ASPH: variants seen among roughly 807,000 people sequenced by gnomAD.
ASPH encodes aspartyl/asparaginyl beta-hydroxylase.
A neutral mutation model predicts 118.4 loss-of-function variants in ASPH; 100 were observed. That is an observed-to-expected ratio of 0.84 (90% CI 0.72 to 1.00). The LOEUF (loss-of-function observed/expected upper bound fraction) is 1.00, where lower values mean the gene tolerates loss of function less well. Among genes scored for constraint, ASPH ranks in the 50% least tolerant of loss-of-function variants. The pLI, the probability that ASPH is intolerant of heterozygous loss-of-function variation, is 0.00. For missense variants in ASPH, 920 were observed against 919.5 expected (o/e 1.00, Z -0.01); for synonymous variants, 315 against 325.6 (o/e 0.97, Z 0.35).
At chr8:61,644,195 G>C (rs1253079064) in intron 7 of ASPH, among the ~76,000 whole-genome samples, 194 bp from the exon 8 acceptor site, 1 of 152,226 alleles carries the variant, frequency 6.6e-6, no homozygotes, top group African/African-American at 2.4e-5. Context: ...AGTAAGGGGG[G>C]CCTGTCATCA....
chr8:61,680,857 G>A, intron 3 of ASPH, 111 bp downstream of exon 3: 2 of 807,736 alleles, frequency 2.5e-6, no homozygotes, highest in South Asian at 2.8e-5. Flanking sequence ...TGATTTAAGG[G>A]AGAAAAGTCT....
intron 16 of ASPH, among the ~76,000 whole-genome samples, chr8:61,576,038 T>G (rs890920090): frequency 2.0e-5 from 3 of 152,204 alleles, no homozygotes; most frequent in Non-Finnish European, 4.4e-5. Context: ...CATCCCCTGA[T>G]CACCTTGAGT....
intron 3 of ASPH, among the ~76,000 whole-genome samples, chr8:61,655,584 G>C (rs566921589): frequency 1.3e-5 from 2 of 152,220 alleles, no homozygotes; most frequent in South Asian, 4.2e-4. Flanking sequence ...AATGAGTTTT[G>C]AAGTTTCATT....
chr8:61,506,749 T>C (rs1012634320), intron 24 of ASPH, among the ~76,000 whole-genome samples: 2 of 152,092 alleles, frequency 1.3e-5, no homozygotes, highest in African/African-American at 4.8e-5. Flanking sequence ...AATGAAAATA[T>C]AAAGAAAAAT....
chr8:61,530,176 C>G (rs1345304024), intron 21 of ASPH, among the ~76,000 whole-genome samples: 2 of 152,164 alleles, frequency 1.3e-5, no homozygotes, highest in African/African-American at 4.8e-5. Context: ...TTTTAAAAGC[C>G]TCTTCTGAAA....
At chr8:61,674,499 CT>C (rs1271292375) in intron 3 of ASPH, among the ~76,000 whole-genome samples, 1 of 152,184 alleles carries the variant, frequency 6.6e-6, no homozygotes, top group Non-Finnish European at 1.5e-5. Flanking sequence ...TTAATAGTCA[CT>C]TTAATAGTCA....
At chr8:61,638,205 G>T in intron 11 of ASPH, 117 bp downstream of exon 11, 2 of 1,321,602 alleles carry the variant, frequency 1.5e-6, no homozygotes, top group South Asian at 1.3e-5. Context: ...TTTTCTTACT[G>T]ACTTGAAAAT....
rs775872186 is a variant in ASPH, at chr8:61,646,850, A to G, written c.519T>C (p.Asp173=). The change falls in exon 6 of 25, where the codon GAT becomes GAC. Residue 173 remains aspartate, a synonymous_variant. Transcript: ENST00000379454. ...HVEGEDLQQE[D]GPTGEPQQED... is the part of the protein sequence containing the mutation. Reference sequence around the variant, plus strand: ...CTTGTTGTGGTTCTCCTGTGGGTCCATCTTCTTGTTGCAAGTCTTCTCCCT... The same window carrying G: ...CTTGTTGTGGTTCTCCTGTGGGTCCGTCTTCTTGTTGCAAGTCTTCTCCCT... The G allele has an allele frequency of 1.4e-5, 23 of 1,613,858 alleles. No homozygotes were observed. The highest frequency in any genetic ancestry group is 1.9e-5 in the Non-Finnish European group (22 of 1,179,890).
chr8:61,568,202 A>T (rs926326942), intron 16 of ASPH, among the ~76,000 whole-genome samples: 3 of 152,186 alleles, frequency 2.0e-5, no homozygotes, highest in Admixed American at 2.0e-4. Context: ...AGCCGTATGG[A>T]GAACAGACTG....
intron 13 of ASPH, chr8:61,625,809 C>T (rs1588266036): frequency 3.0e-6 from 3 of 987,136 alleles, no homozygotes; most frequent in Non-Finnish European, 3.6e-6. Flanking sequence ...AGAGTGCTAA[C>T]ACAAAGTACT....
chr8:61,548,324 C>T, intron 20 of ASPH, 116 bp from the exon 21 acceptor site: 5 of 1,222,800 alleles, frequency 4.1e-6, no homozygotes, highest in Non-Finnish European at 5.5e-6. Flanking sequence ...AAATAAAGAG[C>T]TTACTGCTAG....
chr8:61,562,973 G>T, intron 17 of ASPH, 93 bp from the exon 18 acceptor site: 1 of 1,278,090 alleles, frequency 7.8e-7, no homozygotes, highest in Non-Finnish European at 1.0e-6. Context: ...CTATTCACCA[G>T]AGCCTGAGAA....
At chr8:61,704,621 A>G (rs1439329276) in intron 1 of ASPH, among the ~76,000 whole-genome samples, 1 of 152,178 alleles carries the variant, frequency 6.6e-6, no homozygotes, top group Non-Finnish European at 1.5e-5. Context: ...CAGAATACAT[A>G]AAGAATTACC....
intron 20 of ASPH, among the ~76,000 whole-genome samples, chr8:61,549,007 C>T (rs1011815179): frequency 3.9e-5 from 6 of 152,112 alleles, no homozygotes; most frequent in African/African-American, 1.2e-4. Context: ...ACTTCCTGCA[C>T]CATGCATGTT....
chr8:61,672,628 T>C, intron 3 of ASPH, among the ~76,000 whole-genome samples: 1 of 152,086 alleles, frequency 6.6e-6, no homozygotes, highest in East Asian at 1.9e-4. Flanking sequence ...GAATATCACA[T>C]GCAAGGCTTA....
At position 61,638,083 on chromosome 8, in the gene ASPH, A is replaced by T. The variant is rs533839730; in HGVS notation, c.833-80T>A. The T allele has an allele frequency of 5.0e-6, 7 of 1,395,282 alleles. No individual in the cohort carries two copies. The East Asian group carries it at 1.7e-4, about 33-fold the overall frequency. 86.4% of individuals were successfully genotyped at this position (1,395,282 alleles called of 1,614,324 possible). On this transcript the variant is annotated intron_variant, in intron 11 of 24. Coordinates refer to ENST00000379454, the MANE Select transcript of ASPH (RefSeq NM_004318.4). ...CTTACATTCACTCGCCTTCATTCAG[A>T]TTCCTAAATTAACTCGTGTCCACTC...
intron 1 of ASPH, among the ~76,000 whole-genome samples, chr8:61,706,409 AAAAAAAAAAAAAAAAAAAAAG>A (rs1175402375): frequency 7.7e-6 from 1 of 130,344 alleles, no homozygotes; most frequent in Non-Finnish European, 1.6e-5. Context: ...TGACTCAAAA[AAAAAAAAAAAAAAAAAAAAAG>A]AAGAAGAAGA....
rs1804889210 is a variant in ASPH, at chr8:61,501,329, G to A, written c.*2030C>T. The A allele has an allele frequency of 6.6e-6, 1 of 152,136 alleles. No individual in the cohort carries two copies. The highest frequency in any genetic ancestry group is 2.1e-4 in the South Asian group (1 of 4,828). The allele number at this position is 152,136 out of a possible 1,614,324, so 9.4% of individuals were successfully genotyped here. ...CAATTATTGACAACACTTTGCAACA[G>A]TAATACCATTTCTAGCTTTTCAATT... On this transcript the variant is annotated 3_prime_UTR_variant, in exon 25 of 25. Coordinates refer to ENST00000379454, the MANE Select transcript of ASPH (RefSeq NM_004318.4).
intron 14 of ASPH, among the ~76,000 whole-genome samples, chr8:61,595,773 C>T (rs183253095): frequency 1.3e-5 from 2 of 152,188 alleles, no homozygotes; most frequent in Admixed American, 1.3e-4. Flanking sequence ...AATAAGCCTG[C>T]CCCACCTGCT....
Sources: gnomAD v4.1 joint callset for allele counts (sites outside exome capture counted in the v4.1 genomes callset) on GRCh38, gnomAD v4.1.1 for gene constraint, MANE v1.5 for transcripts, NCBI Gene and HGNC (gene_info 2026-07-23, HGNC 2026-07-21) for gene names.